GLIS3: variants seen among roughly 807,000 people sequenced by gnomAD.
GLIS3 encodes GLIS family zinc finger 3, also known as zinc finger protein GLIS3.
Under a neutral mutation model 78.6 loss-of-function variants are expected in GLIS3, and 53 were observed. That is an observed-to-expected ratio of 0.67 (90% CI 0.54 to 0.85). The LOEUF (loss-of-function observed/expected upper bound fraction) is 0.85, where lower values mean the gene tolerates loss of function less well. GLIS3 is among the 40% of genes least tolerant of loss of function. GLIS3 has a pLI of 0.00. For missense variants in GLIS3, 1,703 were observed against 1,231.1 expected, an observed-to-expected ratio of 1.38 and a Z score of -5.74; for synonymous variants, 684 against 509.9, an observed-to-expected ratio of 1.34 and a Z score of -4.60.
intron 2 of GLIS3, among the ~76,000 whole-genome samples, chr9:4,154,483 A>C (rs1412400805): frequency 6.6e-6 from 1 of 152,254 alleles, no homozygotes; most frequent in African/African-American, 2.4e-5. Flanking sequence ...AGATATAACT[A>C]CAAAAATATT....
intron 2 of GLIS3, among the ~76,000 whole-genome samples, chr9:4,147,081 T>G (rs2131017227): frequency 6.6e-6 from 1 of 152,322 alleles, no homozygotes; most frequent in African/African-American, 2.4e-5. Flanking sequence ...CCCACTGCAA[T>G]TAATCTCCTC....
At chr9:4,351,490 T>C (rs1239610467), upstream of GLIS3, among the ~76,000 whole-genome samples, 1 of 151,704 alleles carries the variant, frequency 6.6e-6, no homozygotes, top group East Asian at 1.9e-4. Context: ...GTTTAGAATA[T>C]ACACTGAAAA....
chr9:4,322,816 G>T (rs138489600), intron 2 of GLIS3, among the ~76,000 whole-genome samples: 114 of 152,182 alleles, frequency 7.5e-4, no homozygotes, highest in African/African-American at 2.7e-3. Context: ...TATTAGCCCT[G>T]TGTCAGATGG....
intron 2 of GLIS3, among the ~76,000 whole-genome samples, chr9:4,202,235 C>G (rs1819469516): frequency 6.8e-6 from 1 of 146,086 alleles, no homozygotes; most frequent in Non-Finnish European, 1.5e-5. Flanking sequence ...ACTGCAAGCT[C>G]TGCCTCCTGG....
intron 2 of GLIS3, among the ~76,000 whole-genome samples, chr9:4,334,971 T>G (rs182838048): frequency 4.2e-5 from 6 of 141,910 alleles, no homozygotes; most frequent in South Asian, 2.3e-4. Flanking sequence ...TGCAGTGGTG[T>G]GATCTCGGCT....
At chr9:4,319,794 T>C (rs993568418) in intron 2 of GLIS3, among the ~76,000 whole-genome samples, 1 of 152,188 alleles carries the variant, frequency 6.6e-6, no homozygotes, top group Non-Finnish European at 1.5e-5. Flanking sequence ...CTCCTACTAG[T>C]ACCTCTTAAA....
At chr9:3,972,901 G>A (rs1469139694) in intron 4 of GLIS3, among the ~76,000 whole-genome samples, 1 of 152,114 alleles carries the variant, frequency 6.6e-6, no homozygotes, top group Admixed American at 6.6e-5. Flanking sequence ...TAGTTCTAGT[G>A]AATCTCTCTT....
intron 4 of GLIS3, among the ~76,000 whole-genome samples, chr9:4,010,997 G>C (rs1231459519): frequency 6.6e-6 from 1 of 152,128 alleles, no homozygotes; most frequent in East Asian, 1.9e-4. Context: ...GAGAAAATAG[G>C]TTAAAATTGA....
chr9:4,169,044 C>G (rs770642456), intron 2 of GLIS3, among the ~76,000 whole-genome samples: 1 of 152,176 alleles, frequency 6.6e-6, no homozygotes, highest in African/African-American at 2.4e-5. Context: ...CAGATCATCA[C>G]CACCAGCTTT....
intron 4 of GLIS3, among the ~76,000 whole-genome samples, chr9:4,026,497 C>T (rs1823360314): frequency 1.3e-5 from 2 of 152,058 alleles, no homozygotes; most frequent in African/African-American, 2.4e-5. Context: ...TTCCAAAAAG[C>T]ATTTGAGATG....
At chr9:4,017,739 G>A (rs1043491663) in intron 4 of GLIS3, among the ~76,000 whole-genome samples, 1 of 152,172 alleles carries the variant, frequency 6.6e-6, no homozygotes, top group Non-Finnish European at 1.5e-5. Context: ...AGAATGTGCA[G>A]GGGATATACC....
At chr9:3,939,116 G>A (rs1167830704) in intron 4 of GLIS3, among the ~76,000 whole-genome samples, 2 of 152,070 alleles carry the variant, frequency 1.3e-5, no homozygotes, top group African/African-American at 4.8e-5. Flanking sequence ...TTCCATTTTG[G>A]GGCCAGCTCC....
At chr9:4,210,072 C>G (rs1820248699) in intron 2 of GLIS3, among the ~76,000 whole-genome samples, 1 of 152,158 alleles carries the variant, frequency 6.6e-6, no homozygotes, top group Non-Finnish European at 1.5e-5. Flanking sequence ...GGTATAATGC[C>G]TGGCACATAG....
intron 7 of GLIS3, among the ~76,000 whole-genome samples, chr9:3,882,657 G>A (rs533180843): frequency 3.9e-4 from 59 of 152,302 alleles, no homozygotes; most frequent in African/African-American, 1.3e-3. Context: ...CACCAGTCAA[G>A]CCCACATCCA....
chr9:4,190,927 C>T (rs1425770558), intron 2 of GLIS3, among the ~76,000 whole-genome samples: 1 of 152,016 alleles, frequency 6.6e-6, no homozygotes, highest in African/African-American at 2.4e-5. Context: ...CACATCCAGC[C>T]AAACTAAGCT....
At chr9:4,135,360 G>C (rs686855) in intron 2 of GLIS3, among the ~76,000 whole-genome samples, 117,437 of 152,082 alleles carry the variant, frequency 0.77, 45,756 homozygotes, top group African/African-American at 0.88. Flanking sequence ...ACTCTAACAG[G>C]TGAATGTGTA....
Position 3,856,015 on chromosome 9 carries a change from C to T in GLIS3, c.2467G>A (p.Val823Ile), listed in dbSNP as rs1819761718. 6.2e-6 allele frequency: 10 copies of T among 1,614,020 alleles called. No homozygotes were observed. Among genetic ancestry groups the T allele is most frequent in the Non-Finnish European group, 8.5e-6 (10 of 1,180,008 alleles). ...CTGCCAGCTTCTTGCTTACCATGGA[C>T]ATGGATACCATTTGGTTGAAAAGAA... ...NSSFQPNGIH[V>I]HGFYGQLQKF... The change falls in exon 9 of 11, where the codon GTC (valine) becomes ATC (isoleucine). Residue 823 changes from valine (V) to isoleucine (I), a missense_variant. Coordinates refer to ENST00000381971, the MANE Select transcript of GLIS3 (RefSeq NM_001042413.2).
At position 4,230,585 on chromosome 9, in the gene GLIS3, G is replaced by A. The variant is rs192507033; in HGVS notation, c.388+55453C>T. On this transcript the variant is annotated intron_variant, in intron 2 of 10. Transcript: ENST00000381971. ...AGTCTCAGGAAAAGAATTGAGTCAGGTTTTCTGCTTACTCGATGCATCTGT... is the reference window on the plus strand; with the variant it reads ...AGTCTCAGGAAAAGAATTGAGTCAGATTTTCTGCTTACTCGATGCATCTGT... Among the ~76,000 whole-genome samples, 153 of 152,202 alleles carry A rather than the reference G, an allele frequency of 1.0e-3. 1 individual carries two copies. Among genetic ancestry groups the A allele is most frequent in the Middle Eastern group, 3.4e-3 (1 of 294 alleles).
intron 4 of GLIS3, among the ~76,000 whole-genome samples, chr9:4,077,034 G>T (rs1449016812): frequency 2.0e-5 from 3 of 152,172 alleles, no homozygotes; most frequent in Non-Finnish European, 4.4e-5. Context: ...ACTCCAGCCT[G>T]GGTGAGAGAC....
Sources: gnomAD v4.1 joint callset for allele counts (sites outside exome capture counted in the v4.1 genomes callset) on GRCh38, gnomAD v4.1.1 for gene constraint, MANE v1.5 for transcripts, NCBI Gene and HGNC (gene_info 2026-07-23, HGNC 2026-07-21) for gene names.